MFSD12: variants seen among roughly 807,000 people sequenced by gnomAD.
The protein encoded by MFSD12 is major facilitator superfamily domain containing 12, also known as major facilitator superfamily domain-containing protein 12.
Under a neutral mutation model 51.2 loss-of-function variants are expected in MFSD12, and 67 were observed. The ratio of observed to expected loss-of-function variants is 1.31; its 90% CI spans 1.08 to 1.60. MFSD12 has a LOEUF of 1.60. MFSD12 is among the 40% of genes most tolerant of loss of function. The pLI, the probability that MFSD12 is intolerant of heterozygous loss-of-function variation, is 0.00. For synonymous variants in MFSD12, 441 were observed against 316.7 expected (o/e 1.39, Z -4.17); for missense variants, 921 against 673.0 (o/e 1.37, Z -4.08).
chr19:3,542,217 C>A (rs115940236), downstream of MFSD12: 1,556 of 985,308 alleles, frequency 1.6e-3, 16 homozygotes, highest in African/African-American at 0.025. Context: ...GTGGAAAAGC[C>A]GAGTCTATGT....
chr19:3,557,039 G>A (rs2145230772), intron 1 of MFSD12, 67 bp downstream of exon 1: 2 of 1,371,502 alleles, frequency 1.5e-6, no homozygotes, highest in African/African-American at 3.1e-5. Flanking sequence ...GAGTCAGAGG[G>A]AGGAGGCGCC....
downstream of MFSD12, chr19:3,542,670 A>G (rs111404752): frequency 0.012 from 13,692 of 1,164,826 alleles, 688 homozygotes; most frequent in South Asian, 0.1. Flanking sequence ...TTTAGTAGAG[A>G]TGGGGTTTTA....
intron 8 of MFSD12, 98 bp downstream of exon 8, chr19:3,545,976 A>G (rs1308940158): frequency 7.7e-6 from 10 of 1,304,796 alleles, no homozygotes; most frequent in Non-Finnish European, 1.1e-5. Flanking sequence ...TTTGGTCCAC[A>G]GCTGGATGCC....
chr19:3,543,950 A>G (rs2030699848), downstream of MFSD12: 1 of 1,550,990 alleles, frequency 6.4e-7, no homozygotes, highest in Middle Eastern at 1.7e-4. Flanking sequence ...GGGTCCTGGA[A>G]CCATACTGCC....
Position 3,546,151 on chromosome 19 carries a change from C to T in MFSD12, c.1212G>A (p.Val404=), listed in dbSNP as rs774218557. 1.9e-6 allele frequency: 3 copies of T among 1,613,214 alleles called. No individual in the cohort carries two copies. The highest frequency in any genetic ancestry group is 2.5e-6 in the Non-Finnish European group (3 of 1,179,978). ...IGPHTNSGAF[V]YGSMSFLDKV... ...TATCCAAGAAGCTCATGGAGCCGTA[C>T]ACGAACGCTCCGCTGTTCTGTGGAG... The change falls in exon 8 of 10, where the codon GTG becomes GTA. Residue 404 remains valine (V), a synonymous_variant. Transcript: ENST00000355415.
At chr19:3,547,615 G>T (rs922977301) in intron 4 of MFSD12, 68 bp from the exon 5 acceptor site, 4 of 1,431,542 alleles carry the variant, frequency 2.8e-6, no homozygotes, top group Non-Finnish European at 3.8e-6. Context: ...CCAGCAGGGG[G>T]CACCGGGGCC....
intron 4 of MFSD12, 139 bp downstream of exon 4, chr19:3,547,709 G>C (rs2031189795): frequency 6.7e-6 from 8 of 1,193,300 alleles, no homozygotes; most frequent in Non-Finnish European, 9.2e-6. Flanking sequence ...AGCAGCACTT[G>C]ATGAGTGACG....
downstream of MFSD12, chr19:3,542,783 A>G (rs759271585): frequency 2.5e-5 from 34 of 1,367,424 alleles, no homozygotes; most frequent in Non-Finnish European, 3.3e-5. Context: ...CACCTGGCCT[A>G]GTGGGTCCCC....
chr19:3,544,994 C>T (rs572563150), intron 8 of MFSD12, 55 bp from the exon 9 acceptor site: 3 of 1,536,066 alleles, frequency 2.0e-6, no homozygotes, highest in African/African-American at 2.7e-5. Context: ...CCCCCGCCAC[C>T]CAAGCTGAAC....
chr19:3,539,189 C>T, intron 4 of MFSD12: 1 of 1,550,546 alleles, frequency 6.4e-7, no homozygotes. Context: ...TGCAAACCCT[C>T]AGGCAAGAGG....
At chr19:3,550,013 G>A (rs1004821859) in intron 2 of MFSD12, among the ~76,000 whole-genome samples, 3 of 152,058 alleles carry the variant, frequency 2.0e-5, no homozygotes, top group South Asian at 2.1e-4. Context: ...GGGCTTCCTG[G>A]GATCAGAGAT....
At chr19:3,543,785 G>C (rs1418628507), downstream of MFSD12, 1 of 1,493,932 alleles carries the variant, frequency 6.7e-7, no homozygotes, top group Non-Finnish European at 9.0e-7. Context: ...GCTGGCCAAC[G>C]GCGAGGAGGT....
chr19:3,543,952 C>G, downstream of MFSD12: 1 of 1,550,956 alleles, frequency 6.4e-7, no homozygotes, highest in African/African-American at 1.4e-5. Flanking sequence ...GTCCTGGAAC[C>G]ATACTGCCCC....
chr19:3,555,124 T>TTG (rs1568263506), intron 1 of MFSD12, among the ~76,000 whole-genome samples: 1 of 151,978 alleles, frequency 6.6e-6, no homozygotes, highest in East Asian at 1.9e-4. Flanking sequence ...TGTTGTTGTT[T>TTG]TTTGTTTTTT....
chr19:3,544,131 C>T (rs1026671610), downstream of MFSD12: 10 of 1,414,178 alleles, frequency 7.1e-6, no homozygotes, highest in Non-Finnish European at 7.4e-6. Flanking sequence ...CGCCCACAAC[C>T]AGGGCAGGGC....
chr19:3,549,640 T>G (rs1461177259), intron 2 of MFSD12, among the ~76,000 whole-genome samples: 2 of 150,694 alleles, frequency 1.3e-5, no homozygotes, highest in Non-Finnish European at 2.9e-5. Flanking sequence ...GGAGAACCGC[T>G]TGAACCCAGG....
downstream of MFSD12, chr19:3,544,004 C>T: frequency 6.5e-7 from 1 of 1,538,642 alleles, no homozygotes; most frequent in Non-Finnish European, 8.8e-7. Flanking sequence ...CACCCACTCC[C>T]CGATAAAGGC....
downstream of MFSD12, chr19:3,544,026 A>T (rs73527936): frequency 4.9e-4 from 749 of 1,523,162 alleles, 4 homozygotes; most frequent in African/African-American, 8.9e-3. Context: ...TGCTACCAGG[A>T]TGCACCCACT....
At chr19:3,542,198 G>A (rs752153219), downstream of MFSD12, 76 of 985,256 alleles carry the variant, frequency 7.7e-5, no homozygotes, top group Admixed American at 1.8e-4. Flanking sequence ...TCTTGAAATT[G>A]CCTTTCTAGT....
Sources: gnomAD v4.1 joint callset for allele counts (sites outside exome capture counted in the v4.1 genomes callset) on GRCh38, gnomAD v4.1.1 for gene constraint, MANE v1.5 for transcripts, NCBI Gene and HGNC (gene_info 2026-07-23, HGNC 2026-07-21) for gene names.